GSE1: variants seen among roughly 807,000 people sequenced by gnomAD.
The protein encoded by GSE1 is genetic suppressor element 1.
GSE1 carries 32 observed loss-of-function variants against 112.6 expected under a neutral mutation model. That is an observed-to-expected ratio of 0.28 (90% CI 0.21 to 0.38). GSE1 has a LOEUF of 0.38. GSE1 is among the 10% of genes least tolerant of loss of function. The pLI is 1.00. For synonymous variants in GSE1, 1,115 were observed against 735.6 expected (o/e 1.52, Z -8.35); for missense variants, 2,348 against 1,699.2 (o/e 1.38, Z -6.71).
chr16:85,654,493 G>C, intron 4 of GSE1, 43 bp downstream of exon 4: 1 of 1,508,048 alleles, frequency 6.6e-7, no homozygotes. Context: ...GCCAGGTGGG[G>C]ACACAGTGCT....
intron 1 of GSE1, among the ~76,000 whole-genome samples, chr16:85,600,525 G>A (rs897415125): frequency 1.3e-5 from 2 of 152,022 alleles, no homozygotes; most frequent in African/African-American, 4.8e-5. Flanking sequence ...AGGCTGTGGT[G>A]TGTGTGTCTT....
intron 2 of GSE1, among the ~76,000 whole-genome samples, chr16:85,362,672 C>T (rs1409429589): frequency 1.3e-5 from 2 of 152,138 alleles, no homozygotes; most frequent in Non-Finnish European, 2.9e-5. Flanking sequence ...TGCACAACTC[C>T]CGGAGGCACC....
chr16:85,613,306 C>G, upstream of GSE1: 1 of 1,546,002 alleles, frequency 6.5e-7, no homozygotes, highest in Non-Finnish European at 8.7e-7. Context: ...GCCGAGCAGC[C>G]CCGGGTGAGA....
chr16:85,503,548 G>A (rs993481295), intron 2 of GSE1, among the ~76,000 whole-genome samples: 1 of 152,118 alleles, frequency 6.6e-6, no homozygotes, highest in South Asian at 2.1e-4. Flanking sequence ...TGGTAATTAC[G>A]GCCCACGGAG....
intron 1 of GSE1, among the ~76,000 whole-genome samples, chr16:85,615,038 C>A (rs1237877660): frequency 6.6e-6 from 1 of 152,236 alleles, no homozygotes; most frequent in Non-Finnish European, 1.5e-5. Flanking sequence ...CGTGCTCCCG[C>A]CTCCCGGCAG....
At position 85,260,319 on chromosome 16, in the gene GSE1, CTTTT is replaced by C. The variant is rs111292010; in HGVS notation, c.2283+88531_2283+88534del. On this transcript the variant is annotated intron_variant, in intron 1 of 2. Coordinates refer to the GSE1 transcript ENST00000637419. ...TATTTTTCCTTTTTCTTTTTCTTTT[CTTTT>C]TTTTTTTTTTTTTTTTTTGAGATGG... Among the ~76,000 whole-genome samples, 770 of 94,814 alleles carry C rather than the reference CTTTT, an allele frequency of 8.1e-3. 2 individuals carry two copies. Among genetic ancestry groups the C allele is most frequent in the African/African-American group, 0.033 (720 of 21,952 alleles). The allele number at this position is 94,814 out of a possible 152,430, so 62.2% of individuals were successfully genotyped here. A position where few individuals can be genotyped will look rare whatever the true frequency, so the allele number is the denominator to read the frequency against.
chr16:85,656,235 C>T, intron 6 of GSE1, 108 bp from the exon 7 acceptor site: 3 of 1,376,306 alleles, frequency 2.2e-6, no homozygotes, highest in Non-Finnish European at 3.0e-6. Context: ...CGTCACTGTT[C>T]AGATTAGCGC....
chr16:85,339,136 G>C (rs1234160224), intron 1 of GSE1, among the ~76,000 whole-genome samples: 1 of 152,152 alleles, frequency 6.6e-6, no homozygotes, highest in Non-Finnish European at 1.5e-5. Context: ...CACTGGGTCT[G>C]GTGTCATTTC....
At chr16:85,254,717 G>A (rs771175241) in intron 1 of GSE1, among the ~76,000 whole-genome samples, 8 of 152,236 alleles carry the variant, frequency 5.3e-5, no homozygotes, top group Non-Finnish European at 1.2e-4. Context: ...TTTGAAATGG[G>A]AGGGTCTTGG....
At chr16:85,363,353 G>T (rs2047122582) in intron 2 of GSE1, among the ~76,000 whole-genome samples, 1 of 152,224 alleles carries the variant, frequency 6.6e-6, no homozygotes, top group Non-Finnish European at 1.5e-5. Context: ...TTCTGCCCCA[G>T]TAGCTGTCTG....
At chr16:85,543,210 CAAAA>C (rs527634392) in intron 2 of GSE1, among the ~76,000 whole-genome samples, 5 of 68,660 alleles carry the variant, frequency 7.3e-5, no homozygotes, top group Non-Finnish European at 6.0e-5. Flanking sequence ...GACTCCATCT[CAAAA>C]AAAAAAAAAA....
At chr16:85,485,610 G>A (rs1276157436) in intron 2 of GSE1, among the ~76,000 whole-genome samples, 1 of 152,250 alleles carries the variant, frequency 6.6e-6, no homozygotes, top group East Asian at 1.9e-4. Flanking sequence ...GAGCCTGCTC[G>A]CACCATTAGC....
In GSE1 at chr16:85,668,833, C is replaced by T. The variant is rs551705947; in HGVS notation, c.3415+409C>T. On this transcript the variant is annotated intron_variant, in intron 14 of 15. Transcript: ENST00000253458. ...CTCTTGCCTAGTGACAGACTCCCCA[C>T]ACTGCAAGGATTGCTCTGTGGCCGG... is the stretch of plus-strand genomic sequence containing the variant. Among the ~76,000 whole-genome samples the T allele has an allele frequency of 9.2e-5, 14 of 152,366 alleles. No individual in the cohort carries two copies. The South Asian group carries it at 2.5e-3, about 27-fold the overall frequency.
At chr16:85,320,811 C>G (rs1202995249) in intron 1 of GSE1, among the ~76,000 whole-genome samples, 1 of 152,204 alleles carries the variant, frequency 6.6e-6, no homozygotes, top group Non-Finnish European at 1.5e-5. Context: ...CTCTGCGTGG[C>G]TGCCCTGGAG....
intron 2 of GSE1, among the ~76,000 whole-genome samples, chr16:85,388,004 A>G (rs761517652): frequency 1.1e-5 from 1 of 87,356 alleles, no homozygotes; most frequent in African/African-American, 3.9e-5. Flanking sequence ...GGATGGATGG[A>G]TGGATGGATG....
intron 1 of GSE1, among the ~76,000 whole-genome samples, chr16:85,587,169 C>A (rs1358680846): frequency 4.6e-5 from 5 of 109,650 alleles, no homozygotes; most frequent in South Asian, 2.7e-4. Flanking sequence ...GAGGACGAAA[C>A]CCCCCCCCCC....
intron 2 of GSE1, among the ~76,000 whole-genome samples, chr16:85,500,737 G>C (rs1187538883): frequency 6.6e-6 from 1 of 152,240 alleles, no homozygotes; most frequent in African/African-American, 2.4e-5. Context: ...CCGGGGGATG[G>C]AGAGGGGGCT....
intron 1 of GSE1, among the ~76,000 whole-genome samples, chr16:85,339,655 G>A (rs976524399): frequency 6.0e-5 from 9 of 150,068 alleles, no homozygotes; most frequent in African/African-American, 2.2e-4. Flanking sequence ...GCGCAGGGTG[G>A]GGGTGGGGGC....
exon 1 of GSE1, chr16:85,169,749 C>A: frequency 1.0e-6 from 1 of 983,932 alleles, no homozygotes; most frequent in South Asian, 4.7e-5. Context: ...CCGGCGCGCG[C>A]GAGCTGTCCC....
Sources: gnomAD v4.1 joint callset for allele counts (sites outside exome capture counted in the v4.1 genomes callset) on GRCh38, gnomAD v4.1.1 for gene constraint, MANE v1.5 for transcripts, NCBI Gene and HGNC (gene_info 2026-07-23, HGNC 2026-07-21) for gene names.